CCNE1: variants seen among roughly 807,000 people sequenced by gnomAD.
CCNE1 encodes the protein G1/S-specific cyclin-E1.
A neutral mutation model predicts 54.1 loss-of-function variants in CCNE1; 8 were observed. The observed-to-expected ratio is 0.15, with a 90% CI of 0.09 to 0.27. CCNE1 has a LOEUF of 0.27. Among genes scored for constraint, CCNE1 ranks in the 10% least tolerant of loss-of-function variants. The pLI is 1.00. For missense variants in CCNE1, 430 were observed against 514.9 expected (o/e 0.84, Z 1.60); for synonymous variants, 179 against 185.2 (o/e 0.97, Z 0.27).
rs1472052108 is a variant in CCNE1, at chr19:29,822,426, C to T, written c.953-20C>T. The stretch of plus-strand genomic sequence containing the variant: ...TCCAGTTGTCAGCCTCAGATTAAGC[C>T]CACGATGTCTTCACTGCAGGGTATC... On this transcript the variant is annotated intron_variant, in intron 10 of 11. Transcript: ENST00000262643. 6.2e-7 allele frequency: 1 copy of T among 1,613,842 alleles called. No homozygotes were observed. The highest frequency in any genetic ancestry group is 2.2e-5 in the East Asian group (1 of 44,888).
rs879667362 is a variant in CCNE1 at position 29,812,635 on chromosome 19, G to A, written c.24-54G>A. The A allele has an allele frequency of 3.2e-6, 5 of 1,550,534 alleles. No homozygotes were observed. The African/African-American group carries it at 4.1e-5, about 13-fold the overall frequency. On this transcript the variant is annotated intron_variant, in intron 2 of 11. Coordinates refer to ENST00000262643, the MANE Select transcript of CCNE1 (RefSeq NM_001238.4). Reference sequence around the variant, plus strand: ...CGGGACGGGACGGGACGGGTGGCGTGGGGGAGGGGCGGCCGCGGGTGCTCA... The same window carrying A: ...CGGGACGGGACGGGACGGGTGGCGTAGGGGAGGGGCGGCCGCGGGTGCTCA...
intron 11 of CCNE1, 56 bp downstream of exon 11, chr19:29,822,659 A>C (rs1974180043): frequency 6.4e-7 from 1 of 1,551,838 alleles, no homozygotes; most frequent in African/African-American, 1.4e-5. Flanking sequence ...AACTGCCTAA[A>C]TAGGCCAGCC....
chr19:29,812,123 A>T lies in CCNE1; in HGVS notation c.-54A>T, dbSNP rs1374539269. The T allele has an allele frequency of 6.8e-6, 1 of 148,036 alleles. No individual in the cohort carries two copies. The highest frequency in any genetic ancestry group is 2.5e-5 in the African/African-American group (1 of 40,594). 9.2% of individuals were successfully genotyped at this position (148,036 alleles called of 1,614,324 possible). A position where few individuals can be genotyped will look rare whatever the true frequency, so the allele number is the denominator to read the frequency against. ...CGCCGCCGCCGCCTGCCGGGACTGG[A>T]GCGCGCCGTCCGCCGCGGACAAGAC... On this transcript the variant is annotated 5_prime_UTR_variant, in exon 1 of 12. Transcript: ENST00000262643.
Position 29,823,754 on chromosome 19 carries a change from A to G in CCNE1, c.1210A>G (p.Ser404Gly). Residue 404 changes from serine (S) to glycine (G), a missense_variant, in exon 12 of 12, where the codon AGC becomes GGC. Coordinates refer to ENST00000262643, the MANE Select transcript of CCNE1 (RefSeq NM_001238.4). Reference protein sequence around the residue: ...LTPPQSGKKQSSGPEMA With the variant: ...LTPPQSGKKQGSGPEMA Reference sequence around the variant, plus strand: ...CCCGCCACAGAGCGGTAAGAAGCAGAGCAGCGGGCCGGAAATGGCGTGACC... The same window carrying G: ...CCCGCCACAGAGCGGTAAGAAGCAGGGCAGCGGGCCGGAAATGGCGTGACC... The G allele has an allele frequency of 6.2e-7, 1 of 1,613,722 alleles. No homozygotes were observed. Among genetic ancestry groups the G allele is most frequent in the Non-Finnish European group, 8.5e-7 (1 of 1,179,836 alleles).
rs769332791 is a variant in CCNE1, at chr19:29,822,488, T to G, written c.995T>G (p.Val332Gly). 6.2e-7 allele frequency: 1 copy of G among 1,614,132 alleles called. No individual in the cohort carries two copies. Among genetic ancestry groups the G allele is most frequent in the Non-Finnish European group, 8.5e-7 (1 of 1,180,004 alleles). ...CDIENCVKWM[V>G]PFAMVIRETG... ...ATAGAGAACTGTGTCAAGTGGATGG[T>G]TCCATTTGCCATGGTTATAAGGGAG... Residue 332 changes from valine (V) to glycine (G), a missense_variant, in exon 11 of 12, where the codon GTT (valine) becomes GGT (glycine). Coordinates refer to ENST00000262643, the MANE Select transcript of CCNE1 (RefSeq NM_001238.4).
intron 6 of CCNE1, among the ~76,000 whole-genome samples, chr19:29,820,386 A>G (rs996448539): frequency 2.0e-5 from 3 of 152,168 alleles, no homozygotes; most frequent in African/African-American, 4.8e-5. Flanking sequence ...TACCATTTCT[A>G]CTAAAAATAC....
Position 29,823,001 on chromosome 19 carries a change from A to G in CCNE1, c.1110+398A>G, listed in dbSNP as rs530344904. 2.6e-5 allele frequency among the ~76,000 whole-genome samples: 4 copies of G among 151,970 alleles called. No homozygotes were observed. The South Asian group carries it at 8.3e-4, about 32-fold the overall frequency. Reference sequence around the variant, plus strand: ...ACTTTTCTTCAGGCAGGCCCCAAATATCCTTGAAAAACTCCAATTTTAATT... The same window carrying G: ...ACTTTTCTTCAGGCAGGCCCCAAATGTCCTTGAAAAACTCCAATTTTAATT... On this transcript the variant is annotated intron_variant, in intron 11 of 11. Transcript: ENST00000262643.
At chr19:29,812,857 G>T in intron 3 of CCNE1, 81 bp downstream of exon 3, 2 of 1,583,334 alleles carry the variant, frequency 1.3e-6, no homozygotes, top group Admixed American at 3.5e-5. Flanking sequence ...ACGGGGGCGG[G>T]GGTCCCTTGG....
chr19:29,822,923 A>G (rs1013367625), intron 11 of CCNE1, among the ~76,000 whole-genome samples: 5 of 148,494 alleles, frequency 3.4e-5, no homozygotes, highest in African/African-American at 1.3e-4. Flanking sequence ...CAGCCTGGGC[A>G]ACAGAGCGAA....
chr19:29,812,729 GC>G lies in CCNE1; in HGVS notation c.65del (p.Ala22GlyfsTer14). On this transcript the variant is annotated frameshift_variant, in exon 3 of 12. Coordinates refer to ENST00000262643, the MANE Select transcript of CCNE1 (RefSeq NM_001238.4). LOFTEE classifies it high-confidence loss of function. ...GGACACCATGAAGGAGGACGGCGGC[GC>G]GGAGTTCTCGGCTCGCTCCAGGAAG... ...ERDTMKEDGG[A>X]EFSARSRKRK... The G allele has an allele frequency of 3.1e-6, 5 of 1,595,522 alleles. No homozygotes were observed. Among genetic ancestry groups the G allele is most frequent in the Non-Finnish European group, 4.3e-6 (5 of 1,172,968 alleles).
Position 29,823,787 on chromosome 19 carries a change from C to T in CCNE1, c.*10C>T, listed in dbSNP as rs1306982894. On this transcript the variant is annotated 3_prime_UTR_variant, in exon 12 of 12. Coordinates refer to ENST00000262643, the MANE Select transcript of CCNE1 (RefSeq NM_001238.4). ...GCCGGAAATGGCGTGACCACCCCAT[C>T]CTTCTCCACCAAAGACAGTTGCGCG... 1 of 1,605,304 alleles carries T rather than the reference C, an allele frequency of 6.2e-7. No individual in the cohort carries two copies. The highest frequency in any genetic ancestry group is 8.5e-7 in the Non-Finnish European group (1 of 1,175,658).
chr19:29,820,879 T>G, intron 7 of CCNE1, 31 bp downstream of exon 7: 1 of 1,522,060 alleles, frequency 6.6e-7, no homozygotes, highest in Non-Finnish European at 9.1e-7. Flanking sequence ...TGTTCTATAA[T>G]GTGTGTTATT....
intron 6 of CCNE1, among the ~76,000 whole-genome samples, chr19:29,818,856 G>A (rs892259649): frequency 5.9e-5 from 9 of 151,458 alleles, no homozygotes; most frequent in South Asian, 2.1e-4. Flanking sequence ...TCTGCCTCCC[G>A]GGTTCAAGCG....
chr19:29,812,504 C>T (rs1973913766), intron 1 of CCNE1, 28 bp from the exon 2 acceptor site: 1 of 1,269,324 alleles, frequency 7.9e-7, no homozygotes, highest in Middle Eastern at 3.0e-4. Context: ...CTGACCCCGC[C>T]GCCGCCTCAC....
At position 29,822,447 on chromosome 19, in the gene CCNE1, G is replaced by A. The variant is rs571054191; in HGVS notation, c.954G>A (p.Gly318=). The A allele has an allele frequency of 9.9e-6, 16 of 1,613,994 alleles. No homozygotes were observed. The highest frequency in any genetic ancestry group is 1.7e-5 in the Admixed American group (1 of 59,994). ...AAGCCCACGATGTCTTCACTGCAGG[G>A]TATCAGTGGTGCGACATAGAGAACT... is the stretch of plus-strand genomic sequence containing the variant. ...SSSELMQKVS[G]YQWCDIENCV... The change falls in exon 11 of 12, where the codon GGG becomes GGA. Residue 318 remains glycine (G), a splice_region_variant and synonymous_variant. Transcript: ENST00000262643.
intron 11 of CCNE1, among the ~76,000 whole-genome samples, chr19:29,822,875 C>T (rs1275145103): frequency 2.0e-5 from 3 of 151,546 alleles, no homozygotes; most frequent in Non-Finnish European, 2.9e-5. Flanking sequence ...ACCCGGGAGG[C>T]GGAGGTTGCA....
chr19:29,822,015 G>C lies in CCNE1; in HGVS notation c.725G>C (p.Ser242Thr). The change falls in exon 9 of 12, where the codon AGT (serine) becomes ACT (threonine). Residue 242 changes from serine (S) to threonine (T), a missense_variant. By Grantham distance (58) the Ser-to-Thr change is moderately conservative. Transcript: ENST00000262643. ...CTTTAGGCCCTTAAGTGGCGTTTAA[G>C]TCCCCTGACTATTGTGTCCTGGCTG... ...MIMKALKWRL[S>T]PLTIVSWLNV... is the part of the protein sequence containing the mutation. 1.2e-5 allele frequency: 19 copies of C among 1,611,418 alleles called. No homozygotes were observed. The highest frequency in any genetic ancestry group is 1.6e-5 in the Non-Finnish European group (19 of 1,178,758).
chr19:29,813,108 C>G, intron 4 of CCNE1, 71 bp downstream of exon 4: 1 of 1,386,332 alleles, frequency 7.2e-7, no homozygotes, highest in Non-Finnish European at 1.0e-6. Context: ...TTCATGCTGT[C>G]TTGTCTCTTG....
At chr19:29,822,192 A>T (rs779448094) in intron 9 of CCNE1, 48 bp from the exon 10 acceptor site, 2 of 1,611,902 alleles carry the variant, frequency 1.2e-6, no homozygotes, top group Non-Finnish European at 1.7e-6. Context: ...GGAACTCTAG[A>T]ATAGGCGTGT....
Sources: allele counts gnomAD v4.1 joint callset (sites outside exome capture counted in the v4.1 genomes callset), GRCh38; gene constraint gnomAD v4.1.1; transcripts MANE v1.5; gene names NCBI Gene and HGNC (gene_info 2026-07-23, HGNC 2026-07-21).